Variants in EPB41L5 observed in about 807,000 individuals in gnomAD.
EPB41L5 encodes the protein erythrocyte membrane protein band 4.1 like 5.
In EPB41L5, 55 loss-of-function variants were observed where a neutral mutation model predicts 106.6. The observed-to-expected ratio is 0.52, with a 90% confidence interval of 0.42 to 0.65. The LOEUF (loss-of-function observed/expected upper bound fraction) is 0.65. Ranked by LOEUF, EPB41L5 falls within the 30% of genes least tolerant of loss-of-function variation. The probability of loss-of-function intolerance (pLI) is 0.00; values close to 1 mark genes in which losing one functional copy is unlikely to be tolerated. For missense variants in EPB41L5, 871 were observed against 882.1 expected (o/e 0.99, Z 0.16); for synonymous variants, 297 against 306.7 (o/e 0.97, Z 0.33).
At chr2:120,070,701 G>A (rs150718581) in intron 3 of EPB41L5, among the ~76,000 whole-genome samples, 3,308 of 152,186 alleles carry the variant, frequency 0.022, 115 homozygotes, top group African/African-American at 0.075. Flanking sequence ...ATCAATAAAC[G>A]TAATCCATCA....
At chr2:120,107,439 C>T (rs898797121) in intron 16 of EPB41L5, among the ~76,000 whole-genome samples, 3 of 152,152 alleles carry the variant, frequency 2.0e-5, no homozygotes, top group African/African-American at 7.2e-5. Flanking sequence ...ATTCTTCCTT[C>T]CTGAATTTTA....
intron 3 of EPB41L5, among the ~76,000 whole-genome samples, chr2:120,063,796 G>T (rs1023481739): frequency 1.3e-5 from 2 of 152,142 alleles, no homozygotes; most frequent in African/African-American, 4.8e-5. Context: ...ATAAAAATTA[G>T]CCGGGCGTGG....
intron 16 of EPB41L5, among the ~76,000 whole-genome samples, chr2:120,125,004 A>G (rs973848060): frequency 6.6e-6 from 1 of 152,158 alleles, no homozygotes; most frequent in African/African-American, 2.4e-5. Flanking sequence ...CTTATTCCCT[A>G]ACAGTCTTTT....
At chr2:120,110,496 C>T (rs1684673555) in intron 16 of EPB41L5, among the ~76,000 whole-genome samples, 1 of 152,190 alleles carries the variant, frequency 6.6e-6, no homozygotes, top group African/African-American at 2.4e-5. Flanking sequence ...TATCCAACTG[C>T]CTATCTGACA....
intron 3 of EPB41L5, among the ~76,000 whole-genome samples, chr2:120,061,000 T>C (rs1001710356): frequency 1.3e-5 from 2 of 148,520 alleles, no homozygotes; most frequent in Admixed American, 1.4e-4. Flanking sequence ...AGGTTATATA[T>C]AGAGATTAGA....
At chr2:120,132,244 A>G (rs1685729516) in intron 18 of EPB41L5, among the ~76,000 whole-genome samples, 1 of 152,222 alleles carries the variant, frequency 6.6e-6, no homozygotes, top group African/African-American at 2.4e-5. Flanking sequence ...AGTAACTTAT[A>G]GAAAGAGCTA....
chr2:120,074,305 T>C, intron 5 of EPB41L5, 127 bp downstream of exon 5: 1 of 626,754 alleles, frequency 1.6e-6, no homozygotes. Flanking sequence ...AGACCTCAAA[T>C]AATAGAATTT....
chr2:120,068,379 G>T (rs1681600187), intron 3 of EPB41L5, among the ~76,000 whole-genome samples: 2 of 152,228 alleles, frequency 1.3e-5, no homozygotes, highest in South Asian at 2.1e-4. Flanking sequence ...TGAGCTGGCT[G>T]CAGGAAGCCC....
intron 3 of EPB41L5, among the ~76,000 whole-genome samples, chr2:120,058,575 T>A (rs1380757337): frequency 6.6e-6 from 1 of 152,146 alleles, no homozygotes; most frequent in African/African-American, 2.4e-5. Flanking sequence ...CAAAAAGGAT[T>A]GGTGGAGGGG....
At chr2:120,064,434 A>G (rs1364578001) in intron 3 of EPB41L5, among the ~76,000 whole-genome samples, 1 of 152,180 alleles carries the variant, frequency 6.6e-6, no homozygotes, top group Non-Finnish European at 1.5e-5. Context: ...CTGTTAACAG[A>G]CCATATTTAA....
intron 18 of EPB41L5, among the ~76,000 whole-genome samples, chr2:120,136,037 A>G (rs1279369174): frequency 6.6e-6 from 1 of 151,766 alleles, no homozygotes; most frequent in Non-Finnish European, 1.5e-5. Context: ...CAACTTTTCT[A>G]GACATAATAT....
intron 2 of EPB41L5, among the ~76,000 whole-genome samples, chr2:120,028,612 T>C (rs551193828): frequency 1.3e-5 from 2 of 152,280 alleles, no homozygotes; most frequent in South Asian, 4.1e-4. Context: ...TGGAGACTGC[T>C]ACGGTAATAC....
At chr2:120,089,496 T>C (rs962369140) in intron 11 of EPB41L5, among the ~76,000 whole-genome samples, 8 of 152,164 alleles carry the variant, frequency 5.3e-5, no homozygotes, top group African/African-American at 1.9e-4. Context: ...TGTACCTATG[T>C]AGATCTAACA....
At chr2:120,131,017 A>G (rs1039769674) in intron 17 of EPB41L5, among the ~76,000 whole-genome samples, 6 of 152,232 alleles carry the variant, frequency 3.9e-5, no homozygotes, top group Non-Finnish European at 7.3e-5. Context: ...TTAAAGATGA[A>G]TTGTGTTTAA....
intron 10 of EPB41L5, among the ~76,000 whole-genome samples, chr2:120,083,944 A>G (rs1368253531): frequency 6.6e-6 from 1 of 151,316 alleles, no homozygotes; most frequent in South Asian, 2.1e-4. Context: ...TTTGTTTTCC[A>G]TTTGCTTGGT....
intron 3 of EPB41L5, among the ~76,000 whole-genome samples, chr2:120,044,256 C>T (rs1049853290): frequency 6.6e-6 from 1 of 151,038 alleles, no homozygotes; most frequent in Non-Finnish European, 1.5e-5. Flanking sequence ...GGAGATATTT[C>T]TTTTATTTTT....
chr2:120,172,390 G>T (rs1382086723), intron 24 of EPB41L5, among the ~76,000 whole-genome samples: 1 of 152,180 alleles, frequency 6.6e-6, no homozygotes, highest in Admixed American at 6.5e-5. Context: ...TAAGTCTCCA[G>T]CAAAGGGGAA....
chr2:120,164,724 A>G, intron 21 of EPB41L5, 112 bp from the exon 22 acceptor site: 1 of 662,732 alleles, frequency 1.5e-6, no homozygotes, highest in Non-Finnish European at 2.6e-6. Context: ...TATTTAAAGG[A>G]TTAACACTAA....
At chr2:120,165,696 G>A (rs1454183632) in intron 22 of EPB41L5, among the ~76,000 whole-genome samples, 2 of 152,034 alleles carry the variant, frequency 1.3e-5, no homozygotes, top group South Asian at 2.1e-4. Context: ...TGCTGGACAC[G>A]GTGGCTCACG....
Sources: gnomAD v4.1 joint callset for allele counts (sites outside exome capture counted in the v4.1 genomes callset) on GRCh38, gnomAD v4.1.1 for gene constraint, MANE v1.5 for transcripts, NCBI Gene and HGNC (gene_info 2026-07-23, HGNC 2026-07-21) for gene names.